Variants in BPNT1 observed in about 807,000 individuals in gnomAD.
The protein encoded by BPNT1 is 3'(2'),5'-bisphosphate nucleotidase 1.
Under a neutral mutation model 36.9 loss-of-function variants are expected in BPNT1, and 28 were observed. That is an observed-to-expected ratio of 0.76 (90% CI 0.56 to 1.04). The LOEUF is 1.04. BPNT1 is among the 50% of genes least tolerant of loss of function. BPNT1 has a pLI of 0.00. For synonymous variants in BPNT1, 119 were observed against 130.9 expected (o/e 0.91, Z 0.62); for missense variants, 313 against 372.9 (o/e 0.84, Z 1.32).
chr1:220,080,331 G>A (rs780934259), intron 1 of BPNT1, among the ~76,000 whole-genome samples: 33 of 152,154 alleles, frequency 2.2e-4, no homozygotes, highest in Non-Finnish European at 4.7e-4. Flanking sequence ...TAGGTGTGTA[G>A]GGTGTAATTA....
intron 3 of BPNT1, among the ~76,000 whole-genome samples, chr1:220,073,741 A>G (rs989833279): frequency 1.3e-5 from 2 of 152,206 alleles, no homozygotes; most frequent in African/African-American, 2.4e-5. Context: ...AACAGTAACC[A>G]TATCTTCTAT....
chr1:220,067,401 G>A lies in BPNT1; in HGVS notation c.383-8C>T. 1 of 1,584,618 alleles carries A rather than the reference G, an allele frequency of 6.3e-7. No individual in the cohort carries two copies. Among genetic ancestry groups the A allele is most frequent in the Non-Finnish European group, 8.6e-7 (1 of 1,159,790 alleles). Reference sequence around the variant, plus strand: ...TTACATTGTCAAGAAGACCTGCAAAGAAGAAATAAATATCAGTTATATAAC... The same window carrying A: ...TTACATTGTCAAGAAGACCTGCAAAAAAGAAATAAATATCAGTTATATAAC... On this transcript the variant is annotated splice_polypyrimidine_tract_variant and splice_region_variant and intron_variant, in intron 5 of 8. Coordinates refer to ENST00000322067, the MANE Select transcript of BPNT1 (RefSeq NM_006085.6).
chr1:220,060,209 C>T (rs57045813), intron 7 of BPNT1, among the ~76,000 whole-genome samples: 2,440 of 152,236 alleles, frequency 0.016, 57 homozygotes, highest in African/African-American at 0.055. Flanking sequence ...CGCATGGTGG[C>T]TCACTCCTGT....
chr1:220,080,419 G>A lies in BPNT1; in HGVS notation c.-8-565C>T, dbSNP rs1287153425. ...GACTGGGTAATTTATTATTTCCAGT[G>A]GCAAGAACCGCAATTACTTCTGCAC... On this transcript the variant is annotated intron_variant, in intron 1 of 8. Coordinates refer to ENST00000322067, the MANE Select transcript of BPNT1 (RefSeq NM_006085.6). Among the ~76,000 whole-genome samples the A allele has an allele frequency of 2.6e-5, 4 of 152,190 alleles. No homozygotes were observed. In the East Asian group the frequency reaches 7.7e-4, roughly 29 times the overall value.
intron 1 of BPNT1, among the ~76,000 whole-genome samples, chr1:220,082,980 T>A (rs911908330): frequency 6.6e-6 from 1 of 152,110 alleles, no homozygotes; most frequent in African/African-American, 2.4e-5. Context: ...GGCTCACGCC[T>A]GTAATCCCAG....
chr1:220,065,043 T>C (rs1456730370), intron 6 of BPNT1, among the ~76,000 whole-genome samples: 1 of 152,096 alleles, frequency 6.6e-6, no homozygotes, highest in African/African-American at 2.4e-5. Flanking sequence ...CTCCTGACCT[T>C]GTGATCCACC....
At chr1:220,081,537 C>T (rs1301671603) in intron 1 of BPNT1, among the ~76,000 whole-genome samples, 3 of 150,750 alleles carry the variant, frequency 2.0e-5, no homozygotes, top group South Asian at 2.1e-4. Flanking sequence ...AGCGAGAGTC[C>T]GTCTCAAAAA....
In BPNT1 at chr1:220,057,747, TA is replaced by T. The variant is rs745438798; in HGVS notation, c.*1096del. ...AAGAGCTAGGATTAAATAATTTATT[TA>T]AAAAAAACTTTTCTCATAAATCTGT... On this transcript the variant is annotated 3_prime_UTR_variant, in exon 9 of 9. Coordinates refer to ENST00000322067, the MANE Select transcript of BPNT1 (RefSeq NM_006085.6). 37 of 752,340 alleles carry T rather than the reference TA, an allele frequency of 4.9e-5. No individual in the cohort carries two copies. Among genetic ancestry groups the T allele is most frequent in the South Asian group, 3.5e-4 (21 of 60,804 alleles). 46.6% of individuals were successfully genotyped at this position (752,340 alleles called of 1,614,324 possible).
Position 220,058,540 on chromosome 1 carries a change from T to G in BPNT1, c.*304A>C, listed in dbSNP as rs540258049. On this transcript the variant is annotated 3_prime_UTR_variant, in exon 9 of 9. Coordinates refer to ENST00000322067, the MANE Select transcript of BPNT1 (RefSeq NM_006085.6). ...AAGTACTTTTTGGGTTTTTGTTTTTTTTTTTTCTGAGACAGGGCTTAACTC... is the reference window on the plus strand; with the variant it reads ...AAGTACTTTTTGGGTTTTTGTTTTTGTTTTTTCTGAGACAGGGCTTAACTC... 50 of 988,610 alleles carry G rather than the reference T, an allele frequency of 5.1e-5. No homozygotes were observed. The South Asian group carries it at 5.5e-4, about 11-fold the overall frequency. 61.2% of individuals were successfully genotyped at this position (988,610 alleles called of 1,614,324 possible).
chr1:220,072,443 T>A (rs1208997777), intron 4 of BPNT1, among the ~76,000 whole-genome samples: 2 of 152,046 alleles, frequency 1.3e-5, no homozygotes, highest in Admixed American at 1.3e-4. Context: ...ACCTCCCAAG[T>A]AGCTGAGACT....
In BPNT1 at chr1:220,058,246, G is replaced by C; in HGVS notation, c.*598C>G. On this transcript the variant is annotated 3_prime_UTR_variant, in exon 9 of 9. Coordinates refer to ENST00000322067, the MANE Select transcript of BPNT1 (RefSeq NM_006085.6). Reference sequence around the variant, plus strand: ...TGAACATTGACCTGAACTGTCAATTGGAACTAAAGCTTTTTCTCATTTCTC... The same window carrying C: ...TGAACATTGACCTGAACTGTCAATTCGAACTAAAGCTTTTTCTCATTTCTC... 1.0e-6 allele frequency: 1 copy of C among 989,576 alleles called. No homozygotes were observed. Among genetic ancestry groups the C allele is most frequent in the Non-Finnish European group, 1.2e-6 (1 of 831,988 alleles). 61.3% of individuals were successfully genotyped at this position (989,576 alleles called of 1,614,324 possible). A position where few individuals can be genotyped will look rare whatever the true frequency, so the allele number is the denominator to read the frequency against.
intron 6 of BPNT1, chr1:220,066,133 A>T: frequency 6.7e-7 from 1 of 1,487,512 alleles, no homozygotes; most frequent in Non-Finnish European, 8.9e-7. Flanking sequence ...GAAAATGAAT[A>T]CAATTTTTCT....
chr1:220,058,750 A>T lies in BPNT1; in HGVS notation c.*94T>A. ...CACGATATTGCCCAGGCTGGTCTCA[A>T]ACTCCTGAGCTCAAGTGATCCACCT... On this transcript the variant is annotated 3_prime_UTR_variant, in exon 9 of 9. Transcript: ENST00000322067. 7.7e-7 allele frequency: 1 copy of T among 1,295,768 alleles called. No homozygotes were observed. The highest frequency in any genetic ancestry group is 1.1e-6 in the Non-Finnish European group (1 of 918,882). The allele number at this position is 1,295,768 out of a possible 1,614,324, so 80.3% of individuals were successfully genotyped here.
chr1:220,087,946 T>C lies in BPNT1; in HGVS notation c.-9+1740A>G, dbSNP rs565081372. The stretch of plus-strand genomic sequence containing the variant: ...AGGCTGGAGTGCAATGGCGAGATCT[T>C]GGCTCACCGCAACCTCTGCCTCCCG... On this transcript the variant is annotated intron_variant, in intron 1 of 8. Transcript: ENST00000322067. Among the ~76,000 whole-genome samples, 270 of 152,132 alleles carry C rather than the reference T, an allele frequency of 1.8e-3. 2 individuals carry two copies. Among genetic ancestry groups the C allele is most frequent in the Non-Finnish European group, 2.3e-3 (155 of 67,982 alleles).
At chr1:220,068,414 C>T (rs1023249681) in intron 5 of BPNT1, among the ~76,000 whole-genome samples, 1 of 151,288 alleles carries the variant, frequency 6.6e-6, no homozygotes, top group Non-Finnish European at 1.5e-5. Context: ...GAACTTCCGA[C>T]CTAATTATCT....
At chr1:220,080,944 C>T (rs1665048956) in intron 1 of BPNT1, among the ~76,000 whole-genome samples, 1 of 152,170 alleles carries the variant, frequency 6.6e-6, no homozygotes, top group Non-Finnish European at 1.5e-5. Flanking sequence ...ACGGAAAAAA[C>T]AGCCTTTAGA....
chr1:220,075,576 ATTAG>A (rs1323684788), intron 2 of BPNT1, among the ~76,000 whole-genome samples: 2 of 152,198 alleles, frequency 1.3e-5, no homozygotes, highest in Non-Finnish European at 2.9e-5. Flanking sequence ...GAGTTTGAAG[ATTAG>A]TTAAATACCA....
chr1:220,078,119 A>G (rs529687227), intron 2 of BPNT1, among the ~76,000 whole-genome samples: 2 of 151,312 alleles, frequency 1.3e-5, no homozygotes, highest in African/African-American at 4.8e-5. Context: ...GGCTGCAACA[A>G]GCTATCAGTA....
In BPNT1 at chr1:220,067,363, C is replaced by T; in HGVS notation, c.413G>A (p.Gly138Glu). 1 of 1,608,598 alleles carries T rather than the reference C, an allele frequency of 6.2e-7. No individual in the cohort carries two copies. ...TATGGCTTTTCCTTCATAAGCAATT[C>T]CAATAAGAACTGTTACATTGTCAAG... ...GLLDNVTVLI[G>E]IAYEGKAIAG... Residue 138 changes from glycine (G) to glutamate (E), a missense_variant, in exon 6 of 9, where the codon GGA (glycine) becomes GAA (glutamate). Gly to Glu is a moderately conservative substitution (Grantham distance 98). Transcript: ENST00000322067.
Sources: allele counts gnomAD v4.1 joint callset (sites outside exome capture counted in the v4.1 genomes callset), GRCh38; gene constraint gnomAD v4.1.1; transcripts MANE v1.5; gene names NCBI Gene and HGNC (gene_info 2026-07-23, HGNC 2026-07-21).